Variants in STXBP5L observed in about 807,000 individuals in gnomAD.
STXBP5L encodes syntaxin-binding protein 5-like.
STXBP5L carries 65 observed loss-of-function variants against 144.5 expected under a neutral mutation model. The ratio of observed to expected loss-of-function variants is 0.45; its 90% CI spans 0.37 to 0.55. The LOEUF is 0.55. Ranked by LOEUF, STXBP5L falls within the 20% of genes least tolerant of loss-of-function variation. STXBP5L has a pLI of 0.00. For synonymous variants in STXBP5L, 505 were observed against 469.6 expected (o/e 1.08, Z -0.97); for missense variants, 1,298 against 1,405.5 (o/e 0.92, Z 1.22).
chr3:121,318,229 G>A (rs896653006), intron 19 of STXBP5L, among the ~76,000 whole-genome samples: 4 of 151,920 alleles, frequency 2.6e-5, no homozygotes, highest in South Asian at 2.1e-4. Context: ...AAGCTGAGGT[G>A]GGAGTATTGC....
chr3:121,008,066 T>C lies in STXBP5L; in HGVS notation c.288-33634T>C, dbSNP rs368563868. On this transcript the variant is annotated intron_variant, in intron 3 of 26. Transcript: ENST00000471454. ...GATTTTCCTTACTCTCATCCAGCAC[T>C]TCTGCTATTTTAGGTTTCTTTCCTA... Among the ~76,000 whole-genome samples, 13 of 152,160 alleles carry C rather than the reference T, an allele frequency of 8.5e-5. No individual in the cohort carries two copies. In the East Asian group the frequency reaches 1.2e-3, roughly 14 times the overall value.
intron 3 of STXBP5L, among the ~76,000 whole-genome samples, chr3:120,974,479 C>T (rs1400578251): frequency 1.3e-5 from 2 of 149,020 alleles, no homozygotes; most frequent in African/African-American, 5.0e-5. Flanking sequence ...AAATATTCTC[C>T]CATGCTCTAG....
chr3:121,284,817 G>C (rs558981635), intron 19 of STXBP5L, among the ~76,000 whole-genome samples: 2 of 152,012 alleles, frequency 1.3e-5, no homozygotes, highest in Non-Finnish European at 2.9e-5. Context: ...AGAAATCCCC[G>C]TGTCTCTACC....
chr3:120,991,228 A>C (rs200686157), intron 3 of STXBP5L, among the ~76,000 whole-genome samples: 17,379 of 151,386 alleles, frequency 0.11, 581 homozygotes, highest in Non-Finnish European at 0.13. Flanking sequence ...ACACATGAAA[A>C]AATGCTCATC....
At chr3:121,313,771 C>T (rs2043662412) in intron 19 of STXBP5L, among the ~76,000 whole-genome samples, 2 of 139,482 alleles carry the variant, frequency 1.4e-5, no homozygotes, top group African/African-American at 5.4e-5. Flanking sequence ...GGGGTGGCTG[C>T]CGGGCGGAGA....
At chr3:120,953,148 A>T (rs1382354688) in intron 2 of STXBP5L, among the ~76,000 whole-genome samples, 1 of 152,024 alleles carries the variant, frequency 6.6e-6, no homozygotes, top group African/African-American at 2.4e-5. Flanking sequence ...TTCTAACAAG[A>T]AATGGATCTT....
intron 5 of STXBP5L, among the ~76,000 whole-genome samples, chr3:121,054,684 A>T (rs1948318671): frequency 6.6e-6 from 1 of 152,140 alleles, no homozygotes; most frequent in Non-Finnish European, 1.5e-5. Context: ...GCATATGTAT[A>T]CATATGTAAC....
At chr3:121,038,064 T>A (rs1946882647) in intron 3 of STXBP5L, among the ~76,000 whole-genome samples, 1 of 152,014 alleles carries the variant, frequency 6.6e-6, no homozygotes. Context: ...GCGGAAGGTT[T>A]ATTAATTTCA....
chr3:120,991,595 T>C (rs1559964870), intron 3 of STXBP5L, among the ~76,000 whole-genome samples: 1 of 152,184 alleles, frequency 6.6e-6, no homozygotes, highest in Non-Finnish European at 1.5e-5. Flanking sequence ...TGTCCAACAA[T>C]GATAGACTGG....
intron 19 of STXBP5L, among the ~76,000 whole-genome samples, chr3:121,299,843 G>A (rs1423770889): frequency 6.6e-6 from 1 of 151,796 alleles, no homozygotes; most frequent in Admixed American, 6.6e-5. Context: ...CAAAAAGTTA[G>A]CTGGGCATGC....
At chr3:120,997,816 T>C (rs1943468683) in intron 3 of STXBP5L, among the ~76,000 whole-genome samples, 1 of 152,158 alleles carries the variant, frequency 6.6e-6, no homozygotes, top group Non-Finnish European at 1.5e-5. Flanking sequence ...TGAATGTGGA[T>C]GCAGAAATAT....
intron 9 of STXBP5L, chr3:121,158,937 G>T (rs1484659572): frequency 6.6e-6 from 1 of 151,610 alleles, no homozygotes; most frequent in East Asian, 1.9e-4. Flanking sequence ...CTTTTCTGTT[G>T]AAATAAAGTT....
chr3:121,295,629 G>A (rs913798962), intron 19 of STXBP5L, among the ~76,000 whole-genome samples: 1 of 152,046 alleles, frequency 6.6e-6, no homozygotes, highest in Non-Finnish European at 1.5e-5. Flanking sequence ...TAATCTCATC[G>A]TGAGTCAGAC....
intron 19 of STXBP5L, among the ~76,000 whole-genome samples, chr3:121,298,958 T>C (rs990269454): frequency 1.3e-5 from 2 of 152,214 alleles, no homozygotes; most frequent in African/African-American, 4.8e-5. Context: ...TATGTAGAGT[T>C]AAGTGTCTTT....
At chr3:121,121,610 T>A (rs2044468032) in intron 6 of STXBP5L, 31 bp from the exon 7 acceptor site, 1 of 1,545,680 alleles carries the variant, frequency 6.5e-7, no homozygotes, top group Admixed American at 1.7e-5. Flanking sequence ...AATGTTTGGT[T>A]TTTAATTACT....
intron 2 of STXBP5L, among the ~76,000 whole-genome samples, chr3:120,952,494 A>G (rs1485809331): frequency 6.6e-6 from 1 of 152,074 alleles, no homozygotes; most frequent in African/African-American, 2.4e-5. Context: ...ATGCAGGAAT[A>G]CAATTGACTT....
chr3:121,124,400 A>G (rs2044610635), intron 7 of STXBP5L, among the ~76,000 whole-genome samples: 1 of 152,000 alleles, frequency 6.6e-6, no homozygotes, highest in Admixed American at 6.6e-5. Flanking sequence ...TAGAAAATTT[A>G]CATGTTAAGA....
chr3:121,323,753 C>CTT, intron 20 of STXBP5L, among the ~76,000 whole-genome samples: 1 of 151,754 alleles, frequency 6.6e-6, no homozygotes. Flanking sequence ...GCTGTACAAC[C>CTT]TTTTTTTTCT....
intron 7 of STXBP5L, among the ~76,000 whole-genome samples, chr3:121,127,911 T>C (rs1184166177): frequency 6.6e-6 from 1 of 151,808 alleles, no homozygotes; most frequent in Non-Finnish European, 1.5e-5. Context: ...TCACCTAAAA[T>C]AATTTCCTCG....
Sources: gnomAD v4.1 joint callset for allele counts (sites outside exome capture counted in the v4.1 genomes callset) on GRCh38, gnomAD v4.1.1 for gene constraint, MANE v1.5 for transcripts, NCBI Gene and HGNC (gene_info 2026-07-23, HGNC 2026-07-21) for gene names.